Variants in ABCC1 observed in about 807,000 individuals in gnomAD.
The protein encoded by ABCC1 is multidrug resistance-associated protein 1.
Under a neutral mutation model 172.9 loss-of-function variants are expected in ABCC1, and 83 were observed. That is an observed-to-expected ratio of 0.48 (90% CI 0.40 to 0.58). ABCC1 has a LOEUF of 0.58. ABCC1 is among the 20% of genes least tolerant of loss of function. ABCC1 has a pLI of 0.00. For synonymous variants in ABCC1, 937 were observed against 825.2 expected (o/e 1.14, Z -2.32); for missense variants, 1,817 against 2,002.7 (o/e 0.91, Z 1.77).
chr16:16,044,693 C>T lies in ABCC1; in HGVS notation c.1040+13C>T, dbSNP rs1338399129. The T allele has an allele frequency of 6.2e-7, 1 of 1,609,150 alleles. No homozygotes were observed. The highest frequency in any genetic ancestry group is 2.2e-5 in the East Asian group (1 of 44,840). Reference sequence around the variant, plus strand: ...CGCAGATCTTAAAGTAAGACCCCTTCCCTCCCAGGTGGGCTCCATTTTCCC... The same window carrying T: ...CGCAGATCTTAAAGTAAGACCCCTTTCCTCCCAGGTGGGCTCCATTTTCCC... On this transcript the variant is annotated intron_variant, in intron 8 of 30. Transcript: ENST00000399410.
At position 16,078,384 on chromosome 16, in the gene ABCC1, C is replaced by T. The variant is rs541373334; in HGVS notation, c.1989-968C>T. On this transcript the variant is annotated intron_variant, in intron 15 of 30. Transcript: ENST00000399410. ...TGCTGAGCTTATTTTATTTTGCTTT[C>T]TGCTGTTCGTTAAAGGATGATTTCA... Among the ~76,000 whole-genome samples the T allele has an allele frequency of 1.8e-4, 28 of 152,206 alleles. 1 individual carries two copies. Among genetic ancestry groups the T allele is most frequent in the African/African-American group, 6.5e-4 (27 of 41,524 alleles).
At chr16:15,962,497 A>G (rs548529657) in intron 1 of ABCC1, among the ~76,000 whole-genome samples, 2 of 152,316 alleles carry the variant, frequency 1.3e-5, no homozygotes, top group East Asian at 1.9e-4. Flanking sequence ...TCATGCTGCT[A>G]TGAAAAAATA....
At chr16:15,967,051 C>T (rs911985656) in intron 1 of ABCC1, among the ~76,000 whole-genome samples, 2 of 152,018 alleles carry the variant, frequency 1.3e-5, no homozygotes, top group African/African-American at 4.8e-5. Context: ...TGGAGTGAGC[C>T]GTTTGACGCT....
At chr16:16,038,748 C>T (rs556937372) in intron 7 of ABCC1, among the ~76,000 whole-genome samples, 42 of 152,314 alleles carry the variant, frequency 2.8e-4, no homozygotes, top group African/African-American at 6.7e-4. Flanking sequence ...GCATCCCCCC[C>T]GCTAAGCAGG....
chr16:16,117,686 A>G (rs558408553), intron 23 of ABCC1, among the ~76,000 whole-genome samples: 53 of 152,288 alleles, frequency 3.5e-4, no homozygotes, highest in African/African-American at 1.2e-3. Context: ...CGCGTGTATC[A>G]CCTGAAGTCA....
chr16:16,134,616 T>G, intron 28 of ABCC1, 108 bp downstream of exon 28: 2 of 955,366 alleles, frequency 2.1e-6, no homozygotes, highest in East Asian at 2.8e-5. Flanking sequence ...TTGGCCCTAC[T>G]TCATCGTTCT....
chr16:16,126,197 C>CG lies in ABCC1; in HGVS notation c.3819+286_3819+287insG, dbSNP rs538797485. 1.8e-4 allele frequency among the ~76,000 whole-genome samples: 27 copies of CG among 152,318 alleles called. No individual in the cohort carries two copies. In the South Asian group the frequency reaches 5.2e-3, roughly 29 times the overall value. Reference sequence around the variant, plus strand: ...TCACATTGTGAAGAAGTTTCCCCCTCTATTTCTCTTTCATAACTTCTGATG... The same window carrying CG: ...TCACATTGTGAAGAAGTTTCCCCCTCGTATTTCTCTTTCATAACTTCTGATG... On this transcript the variant is annotated intron_variant, in intron 26 of 30. Coordinates refer to ENST00000399410, the MANE Select transcript of ABCC1 (RefSeq NM_004996.4).
At chr16:16,006,716 C>T (rs576195559) in intron 1 of ABCC1, among the ~76,000 whole-genome samples, 182 of 152,212 alleles carry the variant, frequency 1.2e-3, no homozygotes, top group Non-Finnish European at 1.9e-3. Context: ...GTATTTAACC[C>T]TTCTGTGCCT....
chr16:16,130,352 AAAGT>A (rs2045625256), intron 26 of ABCC1, among the ~76,000 whole-genome samples: 1 of 152,180 alleles, frequency 6.6e-6, no homozygotes, highest in African/African-American at 2.4e-5. Context: ...TTTTTATCAA[AAAGT>A]AAGTTTTATT....
At chr16:16,038,358 G>T (rs1453409343) in intron 7 of ABCC1, among the ~76,000 whole-genome samples, 44 of 152,164 alleles carry the variant, frequency 2.9e-4, no homozygotes, top group Admixed American at 2.9e-3. Flanking sequence ...AGCTGATGGT[G>T]GAATTCTCAG....
chr16:16,106,887 C>A lies in ABCC1; in HGVS notation c.2871+14C>A, dbSNP rs2052144310. 1 of 1,613,924 alleles carries A rather than the reference C, an allele frequency of 6.2e-7. No homozygotes were observed. Among genetic ancestry groups the A allele is most frequent in the South Asian group, 1.1e-5 (1 of 91,058 alleles). On this transcript the variant is annotated intron_variant, in intron 21 of 30. Coordinates refer to ENST00000399410, the MANE Select transcript of ABCC1 (RefSeq NM_004996.4). ...CAGACAGGGCAGGTGAGATTCGCTC[C>A]TTAAGTGATGACAGTGGCTGGAGTT...
intron 26 of ABCC1, among the ~76,000 whole-genome samples, chr16:16,126,205 C>G (rs1407173897): frequency 6.6e-6 from 1 of 152,304 alleles, no homozygotes; most frequent in South Asian, 2.1e-4. Flanking sequence ...CTCTATTTCT[C>G]TTTCATAACT....
At chr16:16,107,075 A>C (rs1481591291) in intron 21 of ABCC1, among the ~76,000 whole-genome samples, 2 of 152,114 alleles carry the variant, frequency 1.3e-5, no homozygotes, top group Non-Finnish European at 2.9e-5. Flanking sequence ...CAGCGGCAGA[A>C]CTGGGATTTG....
intron 12 of ABCC1, among the ~76,000 whole-genome samples, chr16:16,061,220 C>T (rs140567619): frequency 7.2e-5 from 11 of 152,272 alleles, no homozygotes; most frequent in African/African-American, 2.2e-4. Context: ...CCGCCATGCC[C>T]GGTGGGTCTT....
chr16:15,958,101 GTTTTA>G (rs375584776), intron 1 of ABCC1, among the ~76,000 whole-genome samples: 1 of 152,026 alleles, frequency 6.6e-6, no homozygotes, highest in African/African-American at 2.4e-5. Flanking sequence ...TGTTGCCTTT[GTTTTA>G]TTTTATATTA....
intron 28 of ABCC1, among the ~76,000 whole-genome samples, chr16:16,135,718 A>T (rs1472160266): frequency 2.0e-5 from 3 of 152,152 alleles, no homozygotes; most frequent in Non-Finnish European, 2.9e-5. Flanking sequence ...GGCCTCCCAT[A>T]GTGCTGGGAT....
chr16:16,008,840 C>A (rs1159767419), intron 2 of ABCC1, among the ~76,000 whole-genome samples: 1 of 106,212 alleles, frequency 9.4e-6, no homozygotes, highest in African/African-American at 4.4e-5. Context: ...GAGACTCCTT[C>A]TCAAAAAAAA....
intron 19 of ABCC1, chr16:16,098,951 G>A: frequency 7.5e-7 from 1 of 1,330,492 alleles, no homozygotes; most frequent in Non-Finnish European, 1.0e-6. Flanking sequence ...AATGAGGCCA[G>A]AGACGGGCCG....
intron 26 of ABCC1, among the ~76,000 whole-genome samples, chr16:16,128,727 A>G (rs575819408): frequency 1.3e-5 from 2 of 152,340 alleles, no homozygotes; most frequent in South Asian, 4.1e-4. Context: ...GGCTGGACAC[A>G]GTGGCCCACG....
Sources: gnomAD v4.1 joint callset for allele counts (sites outside exome capture counted in the v4.1 genomes callset) on GRCh38, gnomAD v4.1.1 for gene constraint, MANE v1.5 for transcripts, NCBI Gene and HGNC (gene_info 2026-07-23, HGNC 2026-07-21) for gene names.